Variants in PARG observed in about 807,000 individuals in gnomAD.
The protein encoded by PARG is mitochondrial poly(ADP-ribose) glycohydrolase.
In PARG, 35 loss-of-function variants were observed where a neutral mutation model predicts 113.0. The ratio of observed to expected loss-of-function variants is 0.31; its 90% confidence interval spans 0.24 to 0.41. The LOEUF (loss-of-function observed/expected upper bound fraction) is 0.41, where lower values mean the gene tolerates loss of function less well. Ranked by LOEUF, PARG falls within the 10% of genes least tolerant of loss-of-function variation. The pLI is 1.00. For missense variants in PARG, 797 were observed against 1,169.4 expected (o/e 0.68, Z 4.64); for synonymous variants, 330 against 409.9 (o/e 0.81, Z 2.36).
At chr10:49,932,713 G>A (rs1417454757) in intron 3 of PARG, among the ~76,000 whole-genome samples, 3 of 151,744 alleles carry the variant, frequency 2.0e-5, no homozygotes, top group Non-Finnish European at 2.9e-5. Flanking sequence ...TTAAATCCCA[G>A]CATTACCACT....
chr10:49,877,040 A>C (rs1554838530), intron 9 of PARG, among the ~76,000 whole-genome samples: 2 of 149,030 alleles, frequency 1.3e-5, no homozygotes, highest in East Asian at 3.9e-4. Context: ...CTTAGTGTTG[A>C]TAGTAGAGGG....
At chr10:49,915,129 A>C (rs1397068229) in intron 7 of PARG, among the ~76,000 whole-genome samples, 1 of 152,018 alleles carries the variant, frequency 6.6e-6, no homozygotes, top group African/African-American at 2.4e-5. Context: ...AAAAATGATA[A>C]ACTGACTTTG....
At chr10:49,905,923 C>T (rs1554844833) in intron 7 of PARG, among the ~76,000 whole-genome samples, 2 of 151,886 alleles carry the variant, frequency 1.3e-5, no homozygotes, top group Admixed American at 6.6e-5. Flanking sequence ...AGGTCTCACA[C>T]ACAGACTGGG....
At chr10:49,842,947 C>T (rs1300123208) in intron 14 of PARG, among the ~76,000 whole-genome samples, 3 of 152,110 alleles carry the variant, frequency 2.0e-5, no homozygotes, top group Non-Finnish European at 2.9e-5. Flanking sequence ...ATGGTTTTCT[C>T]ATCAAATAAC....
At chr10:49,920,968 A>G (rs1174066825) in intron 6 of PARG, among the ~76,000 whole-genome samples, 3 of 152,092 alleles carry the variant, frequency 2.0e-5, no homozygotes, top group African/African-American at 4.8e-5. Flanking sequence ...CCAAAACAGT[A>G]TATGTTCCAG....
At position 49,933,741 on chromosome 10, in the gene PARG, T is replaced by A; in HGVS notation, c.707A>T (p.Lys236Met). 1.2e-6 allele frequency: 2 copies of A among 1,613,032 alleles called. No homozygotes were observed. The highest frequency in any genetic ancestry group is 1.3e-5 in the African/African-American group (1 of 75,036). The change falls in exon 3 of 18, where the codon AAG (lysine) becomes ATG (methionine). Residue 236 changes from lysine to methionine, a missense_variant. Lys to Met is a moderately conservative substitution (Grantham distance 95). This residue lies in a region of PARG where 284 missense variants were observed against 306.1 expected (regional missense o/e 0.93). Coordinates refer to ENST00000616448, the MANE Select transcript of PARG (RefSeq NM_003631.5). ...EQAREAKSHQ[K>M]CSKSCDPGED... The stretch of plus-strand genomic sequence containing the variant: ...CCCAGGATCGCAAGACTTGCTGCAC[T>A]TCTGGTGGCTTTTGGCTTCTCTGGC...
intron 16 of PARG, among the ~76,000 whole-genome samples, chr10:49,829,297 T>C (rs1354286773): frequency 6.6e-6 from 1 of 152,082 alleles, no homozygotes; most frequent in Non-Finnish European, 1.5e-5. Context: ...GTAAGAGATG[T>C]GGTCTTACTA....
At position 49,819,306 on chromosome 10, in the gene PARG, G is replaced by A; in HGVS notation, c.*34C>T. 6.6e-7 allele frequency: 1 copy of A among 1,526,630 alleles called. No homozygotes were observed. The highest frequency in any genetic ancestry group is 8.9e-7 in the Non-Finnish European group (1 of 1,128,806). 94.6% of individuals were successfully genotyped at this position (1,526,630 alleles called of 1,614,324 possible). ...ACAGCTCAAACAGGACGTCTCTGGT[G>A]GGAGGTGGGAGGAGATGCTATTCGC... On this transcript the variant is annotated 3_prime_UTR_variant, in exon 18 of 18. Transcript: ENST00000616448.
At chr10:49,912,561 G>C (rs782709805) in intron 7 of PARG, among the ~76,000 whole-genome samples, 2 of 152,126 alleles carry the variant, frequency 1.3e-5, no homozygotes, top group Non-Finnish European at 2.9e-5. Context: ...TACTCGGGAA[G>C]CTGAGGCAGG....
intron 16 of PARG, among the ~76,000 whole-genome samples, chr10:49,824,150 T>G (rs1185497486): frequency 6.6e-6 from 1 of 152,196 alleles, no homozygotes; most frequent in African/African-American, 2.4e-5. Context: ...TTATAATTGT[T>G]TTCCCTCCAT....
intron 8 of PARG, among the ~76,000 whole-genome samples, chr10:49,882,989 A>G (rs1284387458): frequency 1.3e-5 from 2 of 149,180 alleles, no homozygotes; most frequent in South Asian, 2.2e-4. Context: ...CAAACATGGA[A>G]TATGATCAAG....
At chr10:49,931,960 A>C (rs1340775101) in intron 4 of PARG, 140 bp downstream of exon 4, 1 of 635,942 alleles carries the variant, frequency 1.6e-6, no homozygotes, top group East Asian at 2.7e-5. Flanking sequence ...ATATTGCTCC[A>C]TTCTGTAGAA....
chr10:49,820,773 GT>G (rs1024253533), intron 16 of PARG, among the ~76,000 whole-genome samples: 3 of 151,392 alleles, frequency 2.0e-5, no homozygotes, highest in East Asian at 1.9e-4. Flanking sequence ...AAATCATCTA[GT>G]TGTGTGGCTT....
Position 49,941,608 on chromosome 10 carries a change from C to G in PARG, c.118G>C (p.Asp40His). The G allele has an allele frequency of 6.3e-7, 1 of 1,580,896 alleles. No individual in the cohort carries two copies. Among genetic ancestry groups the G allele is most frequent in the South Asian group, 1.2e-5 (1 of 85,608 alleles). ...SFPSRQRRVL[D>H]PKDAHVQFRV... ...AACTGCACGTGAGCGTCCTTGGGGT[C>G]GAGGACGCGCCTCTGCCTGCTGGGA... Residue 40 changes from aspartate (D) to histidine (H), a missense_variant, in exon 1 of 18, where the codon GAC becomes CAC. By Grantham distance (81) the Asp-to-His change is moderately conservative. This residue lies in a region of PARG where 284 missense variants were observed against 306.1 expected (regional missense o/e 0.93). Coordinates refer to ENST00000616448, the MANE Select transcript of PARG (RefSeq NM_003631.5).
At chr10:49,939,112 A>G (rs1838888910) in intron 1 of PARG, among the ~76,000 whole-genome samples, 2 of 152,194 alleles carry the variant, frequency 1.3e-5, no homozygotes, top group Non-Finnish European at 2.9e-5. Flanking sequence ...AAATAAGGTT[A>G]ATGAAACCAC....
chr10:49,935,154 AATGT>A lies in PARG; in HGVS notation c.218-16_218-13del, dbSNP rs1167226791. The A allele has an allele frequency of 1.4e-6, 1 of 728,822 alleles. No homozygotes were observed. Among genetic ancestry groups the A allele is most frequent in the African/African-American group, 1.8e-5 (1 of 56,476 alleles). 45.1% of individuals were successfully genotyped at this position (728,822 alleles called of 1,614,324 possible). A position where few individuals can be genotyped will look rare whatever the true frequency, so the allele number is the denominator to read the frequency against. On this transcript the variant is annotated splice_polypyrimidine_tract_variant and intron_variant, in intron 1 of 17. Transcript: ENST00000616448. ...CTTTTGTTTGAAAACTATAAAAAAA[AATGT>A]ATATTCATACATTCCTTCAAATATA...
intron 7 of PARG, 132 bp downstream of exon 7, chr10:49,915,785 C>T (rs1303095958): frequency 1.7e-6 from 1 of 603,664 alleles, no homozygotes; most frequent in Non-Finnish European, 3.0e-6. Context: ...CTAAAACATA[C>T]ATATAAAATA....
At chr10:49,821,177 C>T (rs1057020265) in intron 16 of PARG, among the ~76,000 whole-genome samples, 12 of 152,170 alleles carry the variant, frequency 7.9e-5, no homozygotes, top group Admixed American at 5.2e-4. Flanking sequence ...AAAAAACAAT[C>T]GAGATCTACT....
intron 7 of PARG, chr10:49,910,061 T>C (rs1204865696): frequency 6.6e-6 from 1 of 151,982 alleles, no homozygotes; most frequent in African/African-American, 2.4e-5. Flanking sequence ...AATAACATGA[T>C]CAACTTAATT....
Sources: allele counts gnomAD v4.1 joint callset (sites outside exome capture counted in the v4.1 genomes callset), GRCh38; gene constraint gnomAD v4.1.1; regional missense constraint gnomAD v4.1.1; transcripts MANE v1.5; gene names NCBI Gene and HGNC (gene_info 2026-07-23, HGNC 2026-07-21).